PSD3: variants seen among roughly 807,000 people sequenced by gnomAD.
The protein encoded by PSD3 is pleckstrin and Sec7 domain containing 3, also known as PH and SEC7 domain-containing protein 3.
PSD3 carries 49 observed loss-of-function variants against 105.5 expected under a neutral mutation model. The ratio of observed to expected loss-of-function variants is 0.46; its 90% CI spans 0.37 to 0.59. The LOEUF is 0.59. PSD3 is among the 20% of genes least tolerant of loss of function. The pLI is 0.00. For synonymous variants in PSD3, 557 were observed against 457.8 expected, an observed-to-expected ratio of 1.22 and a Z score of -2.77; for missense variants, 1,561 against 1,263.8, an observed-to-expected ratio of 1.24 and a Z score of -3.57.
intron 1 of PSD3, among the ~76,000 whole-genome samples, chr8:19,040,957 A>T (rs1828105000): frequency 6.6e-6 from 1 of 152,078 alleles, no homozygotes; most frequent in African/African-American, 2.4e-5. Flanking sequence ...CAGAGACACG[A>T]TCATAGCACA....
At chr8:18,894,199 C>T (rs1410314674) in intron 2 of PSD3, among the ~76,000 whole-genome samples, 6 of 152,192 alleles carry the variant, frequency 3.9e-5, no homozygotes, top group Non-Finnish European at 5.9e-5. Flanking sequence ...GTACTCACTA[C>T]AAAGTACATT....
intron 11 of PSD3, among the ~76,000 whole-genome samples, chr8:18,631,084 G>C (rs1324452844): frequency 1.3e-5 from 2 of 151,964 alleles, no homozygotes; most frequent in Non-Finnish European, 2.9e-5. Context: ...ACCTGACTGA[G>C]GGGAATGAAC....
chr8:18,825,693 T>C (rs1482081473), intron 4 of PSD3, among the ~76,000 whole-genome samples: 1 of 152,218 alleles, frequency 6.6e-6, no homozygotes, highest in Non-Finnish European at 1.5e-5. Context: ...CTGATCAATA[T>C]TTTCAATGGA....
At chr8:18,912,744 G>T (rs1294811620) in intron 2 of PSD3, among the ~76,000 whole-genome samples, 1 of 152,108 alleles carries the variant, frequency 6.6e-6, no homozygotes, top group Non-Finnish European at 1.5e-5. Context: ...AGAAAGCAGT[G>T]AACAGTGACA....
At chr8:18,859,199 T>A (rs901915989) in intron 4 of PSD3, among the ~76,000 whole-genome samples, 1 of 151,226 alleles carries the variant, frequency 6.6e-6, no homozygotes, top group Non-Finnish European at 1.5e-5. Flanking sequence ...TGTCAATGAG[T>A]AGCAGTAGTA....
chr8:18,759,098 T>A (rs201906055), intron 9 of PSD3, among the ~76,000 whole-genome samples: 76 of 130,100 alleles, frequency 5.8e-4, no homozygotes, highest in Admixed American at 1.2e-3. Context: ...ACACACTCTC[T>A]CTCTCTCTCT....
In PSD3 at chr8:18,600,169, C is replaced by T. The variant is rs11203969; in HGVS notation, c.2481+195G>A. Among the ~76,000 whole-genome samples the T allele has an allele frequency of 0.18, 26,719 of 152,146 alleles. 2,745 individuals carry two copies. Among genetic ancestry groups the T allele is most frequent in the Non-Finnish European group, 0.23 (15,961 of 67,982 alleles). ...CAGGATTGAGAAAGATTTCATTACGCTACTGAGAACAGCATGCAACTTAAA... is the reference window on the plus strand; with the variant it reads ...CAGGATTGAGAAAGATTTCATTACGTTACTGAGAACAGCATGCAACTTAAA... On this transcript the variant is annotated intron_variant, in intron 12 of 15. Coordinates refer to ENST00000327040, the MANE Select transcript of PSD3 (RefSeq NM_015310.4).
chr8:18,701,704 T>C (rs1563182748), intron 9 of PSD3, among the ~76,000 whole-genome samples: 1 of 152,228 alleles, frequency 6.6e-6, no homozygotes, highest in Non-Finnish European at 1.5e-5. Context: ...TTTCTTTAAA[T>C]GCACTGATTT....
intron 10 of PSD3, among the ~76,000 whole-genome samples, chr8:18,637,190 C>T (rs953752403): frequency 3.3e-5 from 5 of 152,158 alleles, no homozygotes; most frequent in Non-Finnish European, 7.4e-5. Context: ...GTGTACATTT[C>T]TTTTGTCTTA....
At chr8:18,787,329 T>C (rs1809261819) in intron 8 of PSD3, among the ~76,000 whole-genome samples, 1 of 152,178 alleles carries the variant, frequency 6.6e-6, no homozygotes, top group African/African-American at 2.4e-5. Context: ...GATTTGAAAA[T>C]GCCTCCTGAT....
At chr8:18,893,031 T>G (rs77596742) in intron 2 of PSD3, among the ~76,000 whole-genome samples, 1 of 152,200 alleles carries the variant, frequency 6.6e-6, no homozygotes, top group African/African-American at 2.4e-5. Flanking sequence ...GTCAGTGATA[T>G]GTATCTGTTT....
At chr8:18,656,191 G>T (rs1260077336) in intron 9 of PSD3, among the ~76,000 whole-genome samples, 1 of 152,074 alleles carries the variant, frequency 6.6e-6, no homozygotes, top group Non-Finnish European at 1.5e-5. Flanking sequence ...CCGAGTAGCT[G>T]GGATTACAGG....
At chr8:18,670,470 G>C (rs1481466896) in intron 9 of PSD3, among the ~76,000 whole-genome samples, 1 of 152,160 alleles carries the variant, frequency 6.6e-6, no homozygotes. Flanking sequence ...AAACAGCAGC[G>C]AGGCAGGTGG....
At chr8:19,045,965 C>A (rs899396749) in intron 1 of PSD3, among the ~76,000 whole-genome samples, 1 of 152,198 alleles carries the variant, frequency 6.6e-6, no homozygotes, top group Non-Finnish European at 1.5e-5. Flanking sequence ...TAACCATCAT[C>A]CCTTATCCTC....
chr8:18,548,627 C>G (rs1159959525), intron 15 of PSD3, among the ~76,000 whole-genome samples: 2 of 152,216 alleles, frequency 1.3e-5, no homozygotes, highest in African/African-American at 2.4e-5. Flanking sequence ...TTTGCGTGCC[C>G]TTGGCCAGTG....
chr8:18,711,498 A>C (rs1467062430), intron 9 of PSD3, among the ~76,000 whole-genome samples: 1 of 152,210 alleles, frequency 6.6e-6, no homozygotes, highest in Non-Finnish European at 1.5e-5. Flanking sequence ...GACAAAACAG[A>C]CTTTAAATGA....
chr8:18,659,888 T>C (rs78741708), intron 9 of PSD3, among the ~76,000 whole-genome samples: 3,765 of 152,250 alleles, frequency 0.025, 118 homozygotes, highest in East Asian at 0.13. Context: ...CTGGCCTAGC[T>C]GCAAGAGGGC....
chr8:18,626,676 CT>C (rs1806504168), intron 11 of PSD3, among the ~76,000 whole-genome samples: 1 of 152,024 alleles, frequency 6.6e-6, no homozygotes, highest in Non-Finnish European at 1.5e-5. Flanking sequence ...GTGACCATCT[CT>C]CAAAAGAAGA....
rs899205937 is a variant in PSD3, at chr8:18,853,542, G to GA, written c.1634+14131dup. ...GCTGAAATTCCCTCAGCTCCAGGGG[G>GA]AAAAAAAAAACTCCCTATGCCCTTT... is the stretch of plus-strand genomic sequence containing the variant. On this transcript the variant is annotated intron_variant, in intron 4 of 15. Transcript: ENST00000327040. Among the ~76,000 whole-genome samples the GA allele has an allele frequency of 1.2e-3, 175 of 147,798 alleles. 2 individuals are homozygous for GA. In the East Asian group the frequency reaches 0.013, roughly 11 times the overall value.
Sources: allele counts gnomAD v4.1 joint callset (sites outside exome capture counted in the v4.1 genomes callset), GRCh38; gene constraint gnomAD v4.1.1; transcripts MANE v1.5; gene names NCBI Gene and HGNC (gene_info 2026-07-23, HGNC 2026-07-21).